Variants in TSC22D1 observed in about 807,000 individuals in gnomAD.
TSC22D1 encodes TSC22 domain family protein 1.
TSC22D1 carries 9 observed loss-of-function variants against 74.2 expected under a neutral mutation model. That is an observed-to-expected ratio of 0.12 (90% CI 0.07 to 0.21). The LOEUF is 0.21. Among genes scored for constraint, TSC22D1 ranks in the 10% least tolerant of loss-of-function variants. The pLI is 1.00. For synonymous variants in TSC22D1, 586 were observed against 492.5 expected (o/e 1.19, Z -2.51); for missense variants, 1,427 against 1,304.7 (o/e 1.09, Z -1.44).
chr13:44,438,250 T>G (rs1254612352), intron 1 of TSC22D1, among the ~76,000 whole-genome samples: 1 of 152,216 alleles, frequency 6.6e-6, no homozygotes, highest in Non-Finnish European at 1.5e-5. Context: ...GTAGATAAAA[T>G]TGTGTCATCA....
chr13:44,565,561 A>G (rs564441329), intron 1 of TSC22D1, among the ~76,000 whole-genome samples: 1 of 152,242 alleles, frequency 6.6e-6, no homozygotes, highest in East Asian at 1.9e-4. Context: ...AAATTTTTCA[A>G]CCTTGTGTAG....
chr13:44,495,293 AG>A (rs1261099995), intron 1 of TSC22D1, among the ~76,000 whole-genome samples: 2 of 146,466 alleles, frequency 1.4e-5, no homozygotes, highest in Admixed American at 6.9e-5. Context: ...TAAAATGCTA[AG>A]GAAAAAAAAA....
chr13:44,572,083 A>C (rs1028812680), intron 1 of TSC22D1, among the ~76,000 whole-genome samples: 8 of 152,198 alleles, frequency 5.3e-5, no homozygotes, highest in African/African-American at 1.4e-4. Flanking sequence ...AAAATAATTA[A>C]ATATCTTGCA....
chr13:44,496,099 T>C (rs1878961740), intron 1 of TSC22D1, among the ~76,000 whole-genome samples: 3 of 152,176 alleles, frequency 2.0e-5, no homozygotes, highest in Admixed American at 2.0e-4. Context: ...TAAAGAACTC[T>C]TACAACTCAA....
At chr13:44,521,445 T>G (rs967311247) in intron 1 of TSC22D1, among the ~76,000 whole-genome samples, 1 of 152,034 alleles carries the variant, frequency 6.6e-6, no homozygotes, top group African/African-American at 2.4e-5. Flanking sequence ...TCTGGCCTCC[T>G]GGACTCCTCC....
intron 1 of TSC22D1, among the ~76,000 whole-genome samples, chr13:44,458,140 G>A (rs931867075): frequency 1.3e-5 from 2 of 152,150 alleles, no homozygotes; most frequent in East Asian, 1.9e-4. Context: ...TTCTCACTGT[G>A]ATTCTATCAG....
rs865928752 is a variant in TSC22D1 at position 44,468,385 on chromosome 13, T to A, written c.2913-32290A>T. 2.3e-4 allele frequency among the ~76,000 whole-genome samples: 35 copies of A among 150,014 alleles called. 2 individuals carry two copies. The highest frequency in any genetic ancestry group is 3.6e-4 in the African/African-American group (15 of 41,214). On this transcript the variant is annotated intron_variant, in intron 1 of 2. Coordinates refer to ENST00000458659, the MANE Select transcript of TSC22D1 (RefSeq NM_183422.4). ...CCCTAAAGCTATTGAATTTTTTTTT[T>A]AAAAAAGCTGCTACCATTTATTCAG...
chr13:44,551,838 C>A (rs1040177821), intron 1 of TSC22D1, among the ~76,000 whole-genome samples: 11 of 152,042 alleles, frequency 7.2e-5, no homozygotes, highest in African/African-American at 2.2e-4. Flanking sequence ...GTGTTCGAGG[C>A]TGCAGTGAGC....
intron 1 of TSC22D1, among the ~76,000 whole-genome samples, chr13:44,478,770 G>A (rs918158688): frequency 3.3e-5 from 5 of 152,106 alleles, no homozygotes; most frequent in Non-Finnish European, 7.4e-5. Context: ...CAGCAAGAGA[G>A]CCCAGTATGC....
intron 1 of TSC22D1, among the ~76,000 whole-genome samples, chr13:44,461,364 T>C (rs912707837): frequency 3.9e-5 from 6 of 152,156 alleles, no homozygotes; most frequent in Admixed American, 2.0e-4. Flanking sequence ...GACTGGCCCA[T>C]AGTCCAGAAG....
chr13:44,519,545 A>T (rs184163792), intron 1 of TSC22D1, among the ~76,000 whole-genome samples: 1 of 152,168 alleles, frequency 6.6e-6, no homozygotes, highest in Admixed American at 6.5e-5. Context: ...TGGGCAAAAG[A>T]GACAGCCAAA....
intron 1 of TSC22D1, among the ~76,000 whole-genome samples, chr13:44,521,758 A>G (rs1408192608): frequency 6.6e-6 from 1 of 152,154 alleles, no homozygotes; most frequent in Non-Finnish European, 1.5e-5. Context: ...CTTGAGGAAG[A>G]ATCCGAAAGA....
At chr13:44,450,419 C>G (rs918596671) in intron 1 of TSC22D1, among the ~76,000 whole-genome samples, 2 of 152,098 alleles carry the variant, frequency 1.3e-5, no homozygotes, top group Admixed American at 1.3e-4. Flanking sequence ...TTAAAGGGGG[C>G]AAATGATGCA....
rs1487500985 is a variant in TSC22D1, at chr13:44,432,528, T to C, written c.*2098A>G. On this transcript the variant is annotated 3_prime_UTR_variant, in exon 3 of 3. Transcript: ENST00000458659. ...CAAAATATCTTTATGACAACTGCTA[T>C]CAGCCTATGGCAGTGAGCCATCCAT... The C allele has an allele frequency of 1.5e-4, 23 of 151,640 alleles. No homozygotes were observed. The highest frequency in any genetic ancestry group is 2.9e-5 in the Non-Finnish European group (2 of 67,890). The allele number at this position is 151,640 out of a possible 1,614,324, so 9.4% of individuals were successfully genotyped here.
chr13:44,542,472 C>T (rs1310716315), intron 1 of TSC22D1, among the ~76,000 whole-genome samples: 1 of 152,020 alleles, frequency 6.6e-6, no homozygotes, highest in Non-Finnish European at 1.5e-5. Flanking sequence ...GTACAACAAA[C>T]TTAGATTTAA....
At chr13:44,531,007 C>G (rs1366461298) in intron 1 of TSC22D1, among the ~76,000 whole-genome samples, 1 of 152,166 alleles carries the variant, frequency 6.6e-6, no homozygotes, top group Non-Finnish European at 1.5e-5. Flanking sequence ...GAACAAAGGA[C>G]ATTTCTAGGT....
intron 2 of TSC22D1, 157 bp from the exon 3 acceptor site, chr13:44,435,040 T>C: frequency 1.5e-6 from 1 of 665,386 alleles, no homozygotes; most frequent in South Asian, 1.8e-5. Flanking sequence ...AATACAAACA[T>C]GACTGTACAA....
intron 1 of TSC22D1, among the ~76,000 whole-genome samples, chr13:44,517,725 C>CTA (rs1374306126): frequency 1.4e-4 from 18 of 124,642 alleles, no homozygotes; most frequent in Non-Finnish European, 2.4e-4. Flanking sequence ...CAGCTTAATA[C>CTA]TATATATATA....
chr13:44,541,902 A>G (rs1260352908), intron 1 of TSC22D1, among the ~76,000 whole-genome samples: 1 of 152,102 alleles, frequency 6.6e-6, no homozygotes. Context: ...TATGGTGCAA[A>G]TAGGTGCTAT....
Sources: allele counts gnomAD v4.1 joint callset (sites outside exome capture counted in the v4.1 genomes callset), GRCh38; gene constraint gnomAD v4.1.1; transcripts MANE v1.5; gene names NCBI Gene and HGNC (gene_info 2026-07-23, HGNC 2026-07-21).